Variants in ARHGEF38 observed in about 807,000 individuals in gnomAD.
The protein encoded by ARHGEF38 is Rho guanine nucleotide exchange factor 38.
Under a neutral mutation model 79.9 loss-of-function variants are expected in ARHGEF38, and 79 were observed. That is an observed-to-expected ratio of 0.99 (90% CI 0.82 to 1.19). The LOEUF (loss-of-function observed/expected upper bound fraction) is 1.19. Among genes scored for constraint, ARHGEF38 ranks in the 50% most tolerant of loss-of-function variants. The probability of loss-of-function intolerance (pLI) is 0.00; values close to 1 mark genes in which losing one functional copy is unlikely to be tolerated. For synonymous variants in ARHGEF38, 366 were observed against 328.3 expected, an observed-to-expected ratio of 1.11 and a Z score of -1.24; for missense variants, 962 against 907.2, an observed-to-expected ratio of 1.06 and a Z score of -0.78.
At chr4:105,568,945 T>C (rs1336475942) in intron 1 of ARHGEF38, among the ~76,000 whole-genome samples, 4 of 152,216 alleles carry the variant, frequency 2.6e-5, no homozygotes, top group Admixed American at 6.5e-5. Context: ...GCTTGGTATA[T>C]GAAATTATTC....
intron 13 of ARHGEF38, among the ~76,000 whole-genome samples, chr4:105,668,407 A>C (rs1730836231): frequency 6.6e-6 from 1 of 152,074 alleles, no homozygotes; most frequent in Non-Finnish European, 1.5e-5. Flanking sequence ...ACTGGTCTAT[A>C]CTGAAACTTG....
Position 105,666,178 on chromosome 4 carries a change from T to C in ARHGEF38, c.1547T>C (p.Met516Thr), listed in dbSNP as rs1035274216. 7 of 1,518,778 alleles carry C rather than the reference T, an allele frequency of 4.6e-6. No individual in the cohort carries two copies. In the African/African-American group the frequency reaches 7.0e-5, roughly 15 times the overall value. 94.1% of individuals were successfully genotyped at this position (1,518,778 alleles called of 1,614,324 possible). ...AQQAYSTLVP[M>T]PLLVSSISEI... ...ATGCCATATTATTTCTACCTATAGATGCCACTGTTGGTTTCAAGCATTTCT... is the reference window on the plus strand; with the variant it reads ...ATGCCATATTATTTCTACCTATAGACGCCACTGTTGGTTTCAAGCATTTCT... The change falls in exon 11 of 14, where the codon ATG (methionine) becomes ACG (threonine). Residue 516 changes from methionine to threonine, a missense_variant and splice_region_variant. Met to Thr is a moderately conservative substitution (Grantham distance 81, BLOSUM62 -1). Coordinates refer to ENST00000420470, the MANE Select transcript of ARHGEF38 (RefSeq NM_001242729.2).
At chr4:105,578,246 T>C (rs768770898) in intron 1 of ARHGEF38, among the ~76,000 whole-genome samples, 16 of 152,180 alleles carry the variant, frequency 1.1e-4, no homozygotes, top group Non-Finnish European at 1.6e-4. Flanking sequence ...GGGTTCCTTG[T>C]GGAGTTAATT....
chr4:105,554,130 A>C (rs781475645), intron 1 of ARHGEF38, among the ~76,000 whole-genome samples: 6 of 152,068 alleles, frequency 3.9e-5, no homozygotes, highest in Non-Finnish European at 7.4e-5. Context: ...AAAATGAGGG[A>C]GAGCATTGTT....
intron 10 of ARHGEF38, among the ~76,000 whole-genome samples, chr4:105,660,483 A>T (rs1172537791): frequency 1.4e-5 from 2 of 147,780 alleles, no homozygotes; most frequent in African/African-American, 5.0e-5. Context: ...TTTGTTGCCC[A>T]GGTTGGAGTG....
intron 1 of ARHGEF38, chr4:105,561,671 CCT>C (rs1382425560): frequency 6.6e-6 from 1 of 151,950 alleles, no homozygotes; most frequent in Admixed American, 6.6e-5. Flanking sequence ...TTTCCTCTAC[CCT>C]CTTAAATTCT....
chr4:105,659,852 T>TGG (rs1490883688), intron 10 of ARHGEF38, among the ~76,000 whole-genome samples: 6 of 133,328 alleles, frequency 4.5e-5, no homozygotes, highest in Non-Finnish European at 1.6e-5. Flanking sequence ...CCTGGTTTTG[T>TGG]GTGTGTGTGT....
chr4:105,589,397 T>C lies in ARHGEF38; in HGVS notation c.346T>C (p.Cys116Arg). ...GGATTATCTCAATGATCTAGAGCTG[T>C]GTGTTAGGGAAGTGGTTCAGCCCCT... Reference protein sequence around the residue: ...EKDYLNDLELCVREVVQPLRN... With the variant: ...EKDYLNDLELRVREVVQPLRN... The change falls in exon 2 of 14, where the codon TGT (cysteine) becomes CGT (arginine). Residue 116 changes from cysteine (C) to arginine (R), a missense_variant. Transcript: ENST00000420470. 6.2e-7 allele frequency: 1 copy of C among 1,613,052 alleles called. No homozygotes were observed. The highest frequency in any genetic ancestry group is 1.7e-4 in the Middle Eastern group (1 of 6,056).
In ARHGEF38 at chr4:105,571,510, G is replaced by T. The variant is rs1221430563; in HGVS notation, c.197-17738G>T. ...GCTAATTTTTTGTATTTTTAGTAAA[G>T]ACGGGTTTCACTGTGTTGGCCAGGC... On this transcript the variant is annotated intron_variant, in intron 1 of 13. Coordinates refer to ENST00000420470, the MANE Select transcript of ARHGEF38 (RefSeq NM_001242729.2). Among the ~76,000 whole-genome samples, 4 of 151,740 alleles carry T rather than the reference G, an allele frequency of 2.6e-5. No homozygotes were observed. The South Asian group carries it at 8.3e-4, about 32-fold the overall frequency.
chr4:105,612,215 G>C (rs1372884690), intron 2 of ARHGEF38, among the ~76,000 whole-genome samples: 1 of 152,062 alleles, frequency 6.6e-6, no homozygotes, highest in Non-Finnish European at 1.5e-5. Flanking sequence ...AAGAAACTGA[G>C]TCTGAAATAA....
intron 9 of ARHGEF38, among the ~76,000 whole-genome samples, chr4:105,656,227 T>G (rs1730318972): frequency 6.6e-6 from 1 of 152,090 alleles, no homozygotes; most frequent in Non-Finnish European, 1.5e-5. Flanking sequence ...GAAGATTTTT[T>G]GCATTTTTTG....
intron 1 of ARHGEF38, chr4:105,561,598 TC>T (rs1231501116): frequency 6.6e-6 from 1 of 152,078 alleles, no homozygotes; most frequent in Non-Finnish European, 1.5e-5. Flanking sequence ...AAGTCTCTGT[TC>T]GTCTTTTTTG....
chr4:105,620,745 G>A (rs577426678), intron 3 of ARHGEF38, among the ~76,000 whole-genome samples: 1 of 152,188 alleles, frequency 6.6e-6, no homozygotes, highest in African/African-American at 2.4e-5. Flanking sequence ...TTCACATTTG[G>A]TAGAGTGAAC....
intron 7 of ARHGEF38, among the ~76,000 whole-genome samples, 168 bp downstream of exon 7, chr4:105,648,850 C>T (rs866656911): frequency 4.8e-4 from 61 of 126,354 alleles, no homozygotes; most frequent in African/African-American, 2.0e-3. Flanking sequence ...CTCTCTCTTT[C>T]TCTCTCTCTC....
Position 105,630,887 on chromosome 4 carries a change from G to A in ARHGEF38, c.509-11G>A. 1 of 1,598,096 alleles carries A rather than the reference G, an allele frequency of 6.3e-7. No individual in the cohort carries two copies. The highest frequency in any genetic ancestry group is 8.5e-7 in the Non-Finnish European group (1 of 1,174,426). The stretch of plus-strand genomic sequence containing the variant: ...GATGATGTCATTTTGCCTTTGTTTT[G>A]CATTTATCAGGAGAAGTATTCTTGC... On this transcript the variant is annotated splice_polypyrimidine_tract_variant and intron_variant, in intron 3 of 13. Coordinates refer to ENST00000420470, the MANE Select transcript of ARHGEF38 (RefSeq NM_001242729.2).
intron 3 of ARHGEF38, among the ~76,000 whole-genome samples, chr4:105,627,433 A>G (rs1235105277): frequency 6.6e-6 from 1 of 152,198 alleles, no homozygotes; most frequent in Non-Finnish European, 1.5e-5. Context: ...TATTCACATC[A>G]GTAAAGGGAA....
intron 1 of ARHGEF38, chr4:105,561,524 A>AGAATGGAATGGAATGGAATGGAATG (rs1725621279): frequency 7.0e-6 from 1 of 142,028 alleles, no homozygotes; most frequent in Non-Finnish European, 1.6e-5. Flanking sequence ...AGAATAGAAT[A>AGAATGGAATGGAATGGAATGGAATG]GAATAGAATA....
At chr4:105,614,258 C>T (rs1473836874) in intron 3 of ARHGEF38, among the ~76,000 whole-genome samples, 2 of 152,126 alleles carry the variant, frequency 1.3e-5, no homozygotes, top group Non-Finnish European at 2.9e-5. Flanking sequence ...TTCTCTATTT[C>T]ACACTTAATA....
chr4:105,579,399 T>A (rs1001476221), intron 1 of ARHGEF38, among the ~76,000 whole-genome samples: 1 of 152,182 alleles, frequency 6.6e-6, no homozygotes, highest in Non-Finnish European at 1.5e-5. Context: ...TTTTAAGATA[T>A]GTTCCTTCAA....
Sources: allele counts gnomAD v4.1 joint callset (sites outside exome capture counted in the v4.1 genomes callset), GRCh38; gene constraint gnomAD v4.1.1; transcripts MANE v1.5; gene names NCBI Gene and HGNC (gene_info 2026-07-23, HGNC 2026-07-21).